The following NSMAF variants were observed in gnomAD, a reference collection of about 807,000 sequenced individuals.
NSMAF encodes the protein neutral sphingomyelinase activation associated factor, also known as protein FAN.
Under a neutral mutation model 134.9 loss-of-function variants are expected in NSMAF, and 90 were observed. The observed-to-expected ratio is 0.67, with a 90% confidence interval of 0.56 to 0.79. The LOEUF is 0.79. Ranked by LOEUF, NSMAF falls within the 30% of genes least tolerant of loss-of-function variation. The pLI, the probability that NSMAF is intolerant of heterozygous loss-of-function variation, is 0.00. For missense variants in NSMAF, 1,010 were observed against 1,119.0 expected (o/e 0.90, Z 1.39); for synonymous variants, 358 against 389.6 (o/e 0.92, Z 0.96).
At chr8:58,591,086 G>A (rs1314210594) in intron 23 of NSMAF, 152 bp from the exon 24 acceptor site, 1 of 827,090 alleles carries the variant, frequency 1.2e-6, no homozygotes, top group Non-Finnish European at 1.7e-6. Flanking sequence ...AACAGAGCTA[G>A]ATGACCTAAG....
In NSMAF at chr8:58,607,788, C is replaced by G. The variant is rs779571522; in HGVS notation, c.740G>C (p.Arg247Thr). ...LQDVRRIYKR[R>T]HGLMPLGLEV... Reference sequence around the variant, plus strand: ...ACTCACCAGAGGCATGAGGCCGTGCCTCCTTTTGTAGATGCGGCGGACATC... The same window carrying G: ...ACTCACCAGAGGCATGAGGCCGTGCGTCCTTTTGTAGATGCGGCGGACATC... The change falls in exon 11 of 31, where the codon AGG becomes ACG. Residue 247 changes from arginine to threonine, a missense_variant. Arg to Thr is a moderately conservative substitution (Grantham distance 71, BLOSUM62 -1). Transcript: ENST00000038176. 1.2e-6 allele frequency: 2 copies of G among 1,614,176 alleles called. No individual in the cohort carries two copies. The highest frequency in any genetic ancestry group is 1.7e-6 in the Non-Finnish European group (2 of 1,179,986).
rs1310695956 is a variant in NSMAF at position 58,640,759 on chromosome 8, G to A, written c.149+2225C>T. 4.0e-5 allele frequency among the ~76,000 whole-genome samples: 6 copies of A among 151,676 alleles called. No homozygotes were observed. The East Asian group carries it at 5.8e-4, about 15-fold the overall frequency. ...TTGTAATAAATAGAAACAGAGTTTC[G>A]CTATGTTGATCAGGCTGGTCTCAAA... is the stretch of plus-strand genomic sequence containing the variant. On this transcript the variant is annotated intron_variant, in intron 2 of 30. Transcript: ENST00000038176.
intron 9 of NSMAF, 151 bp downstream of exon 9, chr8:58,623,069 G>T: frequency 1.6e-6 from 1 of 640,552 alleles, no homozygotes; most frequent in Non-Finnish European, 2.8e-6. Context: ...AAGCGCTAGA[G>T]AGTTCTCCTG....
intron 2 of NSMAF, among the ~76,000 whole-genome samples, chr8:58,638,187 C>T (rs763939628): frequency 4.6e-5 from 7 of 152,130 alleles, no homozygotes; most frequent in Non-Finnish European, 8.8e-5. Context: ...GCTGTGACTC[C>T]AGGTGTGCAC....
intron 9 of NSMAF, among the ~76,000 whole-genome samples, chr8:58,614,975 T>A (rs955049748): frequency 6.6e-6 from 1 of 151,956 alleles, no homozygotes. Context: ...ACAGAATAAA[T>A]ACACAGGTTA....
At chr8:58,617,839 C>A (rs1449363762) in intron 9 of NSMAF, among the ~76,000 whole-genome samples, 3 of 152,304 alleles carry the variant, frequency 2.0e-5, no homozygotes, top group Admixed American at 6.5e-5. Context: ...ATAAATCATG[C>A]TACTATAAAG....
chr8:58,641,120 C>G (rs997091521), intron 2 of NSMAF, among the ~76,000 whole-genome samples: 1 of 150,762 alleles, frequency 6.6e-6, no homozygotes, highest in South Asian at 2.1e-4. Flanking sequence ...GAGGTTTCAC[C>G]GTGTTGGCCA....
At chr8:58,587,834 T>G in intron 26 of NSMAF, 133 bp from the exon 27 acceptor site, 1 of 700,814 alleles carries the variant, frequency 1.4e-6, no homozygotes. Flanking sequence ...TGCACAGTGC[T>G]CCAGCTCCTC....
chr8:58,592,278 C>A (rs146029974), intron 23 of NSMAF, among the ~76,000 whole-genome samples: 223 of 152,078 alleles, frequency 1.5e-3, no homozygotes, highest in African/African-American at 5.0e-3. Context: ...GCTCTCACTG[C>A]AGCAGCCTGG....
At chr8:58,645,771 C>T (rs566637486) in intron 1 of NSMAF, among the ~76,000 whole-genome samples, 5 of 152,022 alleles carry the variant, frequency 3.3e-5, no homozygotes, top group Non-Finnish European at 5.9e-5. Flanking sequence ...CCAGGCGCAG[C>T]GGCTCACACC....
Position 58,590,990 on chromosome 8 carries a change from G to A in NSMAF, c.1952-56C>T, listed in dbSNP as rs1275946566. On this transcript the variant is annotated intron_variant, in intron 23 of 30. Transcript: ENST00000038176. ...GAAAGATTTCCTAACCATTACAGAC[G>A]TCAAAGAACAGCTGCTCTTCTTGTT... 50 of 1,512,010 alleles carry A rather than the reference G, an allele frequency of 3.3e-5. 1 individual carries two copies. In the South Asian group the frequency reaches 3.9e-4, roughly 12 times the overall value. The allele number at this position is 1,512,010 out of a possible 1,614,324, so 93.7% of individuals were successfully genotyped here.
intron 1 of NSMAF, 100 bp downstream of exon 1, chr8:58,659,473 G>C: frequency 1.4e-6 from 2 of 1,478,044 alleles, no homozygotes; most frequent in Non-Finnish European, 1.8e-6. Flanking sequence ...TCCGTGCCCG[G>C]CCCCCACGCC....
At chr8:58,641,003 C>T (rs1002601315) in intron 2 of NSMAF, among the ~76,000 whole-genome samples, 1 of 152,088 alleles carries the variant, frequency 6.6e-6, no homozygotes, top group African/African-American at 2.4e-5. Context: ...CTCACTGCAA[C>T]CTCCGCCTCC....
At chr8:58,621,326 C>CTA (rs1806784226) in intron 9 of NSMAF, among the ~76,000 whole-genome samples, 1 of 152,122 alleles carries the variant, frequency 6.6e-6, no homozygotes, top group Non-Finnish European at 1.5e-5. Flanking sequence ...GTATAGGTAC[C>CTA]ACATTTTCTT....
At chr8:58,591,027 A>G (rs755668859) in intron 23 of NSMAF, 93 bp from the exon 24 acceptor site, 54 of 1,399,002 alleles carry the variant, frequency 3.9e-5, no homozygotes, top group Non-Finnish European at 4.9e-5. Flanking sequence ...CTGGTGGCCA[A>G]CAGTACACTT....
chr8:58,637,024 A>T (rs1022201764), intron 2 of NSMAF, among the ~76,000 whole-genome samples: 8 of 150,862 alleles, frequency 5.3e-5, no homozygotes, highest in Non-Finnish European at 8.9e-5. Context: ...TTATACACAC[A>T]CACACACACA....
intron 26 of NSMAF, among the ~76,000 whole-genome samples, chr8:58,587,955 A>T (rs1416628528): frequency 6.6e-6 from 1 of 152,192 alleles, no homozygotes; most frequent in Non-Finnish European, 1.5e-5. Context: ...TGACTTTAGT[A>T]TGTGAACTAA....
In NSMAF at chr8:58,597,511, TTG is replaced by T; in HGVS notation, c.1666_1667del (p.Gln556AsnfsTer25). 6.2e-7 allele frequency: 1 copy of T among 1,614,222 alleles called. No individual in the cohort carries two copies. The highest frequency in any genetic ancestry group is 8.5e-7 in the Non-Finnish European group (1 of 1,180,012). ...DPDEKVAMLT[Q>X]ILEFGQTPKQ... ...TTGGTGTCTGCCCAAATTCCAAGAT[TTG>T]CGTAAGCATGGCTACCTTCTCATCA... On this transcript the variant is annotated frameshift_variant, in exon 21 of 31. Transcript: ENST00000038176. LOFTEE classifies it high-confidence loss of function.
intron 1 of NSMAF, among the ~76,000 whole-genome samples, chr8:58,650,414 G>T (rs1353956249): frequency 6.6e-6 from 1 of 152,042 alleles, no homozygotes; most frequent in East Asian, 1.9e-4. Flanking sequence ...AATACTACCT[G>T]TACAACCATT....
Sources: gnomAD v4.1 joint callset for allele counts (sites outside exome capture counted in the v4.1 genomes callset) on GRCh38, gnomAD v4.1.1 for gene constraint, MANE v1.5 for transcripts, NCBI Gene and HGNC (gene_info 2026-07-23, HGNC 2026-07-21) for gene names.